The following EIF4G3 variants were observed in gnomAD, a reference collection of about 807,000 sequenced individuals.
EIF4G3 encodes the protein eIF-4-gamma 3.
Under a neutral mutation model 186.4 loss-of-function variants are expected in EIF4G3, and 34 were observed. The ratio of observed to expected loss-of-function variants is 0.18; its 90% CI spans 0.14 to 0.24. The LOEUF (loss-of-function observed/expected upper bound fraction) is 0.24, where lower values mean the gene tolerates loss of function less well. Ranked by LOEUF, EIF4G3 falls within the 10% of genes least tolerant of loss-of-function variation. The pLI is 1.00. For missense variants in EIF4G3, 1,536 were observed against 1,948.5 expected (o/e 0.79, Z 3.99); for synonymous variants, 673 against 679.5 (o/e 0.99, Z 0.15).
At chr1:21,018,990 G>A (rs574523932) in intron 4 of EIF4G3, among the ~76,000 whole-genome samples, 1 of 151,406 alleles carries the variant, frequency 6.6e-6, no homozygotes, top group Admixed American at 6.6e-5. Context: ...ATCTCAGAAA[G>A]ATGGTAAATT....
intron 20 of EIF4G3, among the ~76,000 whole-genome samples, chr1:20,873,893 A>G (rs1420913632): frequency 6.6e-6 from 1 of 151,746 alleles, no homozygotes; most frequent in Non-Finnish European, 1.5e-5. Flanking sequence ...CTCTGTGTCC[A>G]TGTGTTCTCA....
At chr1:21,082,118 T>C (rs2095808399) in intron 3 of EIF4G3, among the ~76,000 whole-genome samples, 1 of 150,338 alleles carries the variant, frequency 6.7e-6, no homozygotes, top group Non-Finnish European at 1.5e-5. Flanking sequence ...TAATGCTTCT[T>C]TGATTATCAG....
chr1:20,847,912 T>C (rs2071725504), intron 29 of EIF4G3: 1 of 453,970 alleles, frequency 2.2e-6, no homozygotes, highest in South Asian at 1.6e-5. Context: ...ACCAAGGTGA[T>C]TTTTATATGT....
intron 2 of EIF4G3, among the ~76,000 whole-genome samples, chr1:21,096,072 G>A (rs1046486783): frequency 1.3e-5 from 2 of 152,134 alleles, no homozygotes; most frequent in African/African-American, 4.8e-5. Context: ...AGCAAAGGCA[G>A]AAGGCAACAA....
At chr1:20,905,841 A>G (rs1379041356) in intron 14 of EIF4G3, among the ~76,000 whole-genome samples, 1 of 152,162 alleles carries the variant, frequency 6.6e-6, no homozygotes, top group Non-Finnish European at 1.5e-5. Flanking sequence ...CTTAATAGGG[A>G]ACATTACCAA....
chr1:20,973,629 T>C (rs2076307733), intron 10 of EIF4G3, among the ~76,000 whole-genome samples: 1 of 152,168 alleles, frequency 6.6e-6, no homozygotes, highest in South Asian at 2.1e-4. Flanking sequence ...GAAAAAAGGC[T>C]CAGAACATAT....
chr1:20,827,624 T>G lies in EIF4G3; in HGVS notation c.4262A>C (p.Lys1421Thr). The change falls in exon 32 of 37, where the codon AAA becomes ACA. Residue 1421 changes from lysine (K) to threonine (T), a missense_variant. By Grantham distance (78) the Lys-to-Thr change is moderately conservative. This residue lies in a region of EIF4G3 where 395 missense variants were observed against 498.9 expected (regional missense o/e 0.79). Coordinates refer to ENST00000602326, the MANE Select transcript of EIF4G3 (RefSeq NM_001391906.1). ...ACTCAGTGTAACACTCACCATTTGT[T>G]TGCATAGTAGGTGCAATATTTCAGA... The part of the protein sequence containing the change: ...LLSEILHLLC[K>T]QMSHKKVGAL... 2 of 1,604,226 alleles carry G rather than the reference T, an allele frequency of 1.2e-6. No homozygotes were observed. The highest frequency in any genetic ancestry group is 1.7e-6 in the Non-Finnish European group (2 of 1,171,522).
intron 2 of EIF4G3, among the ~76,000 whole-genome samples, chr1:21,152,693 T>C (rs932875831): frequency 2.0e-5 from 3 of 152,238 alleles, no homozygotes; most frequent in Non-Finnish European, 4.4e-5. Context: ...CATTATTTTA[T>C]GCCATATAAT....
At chr1:21,082,145 A>G (rs1477924307) in intron 3 of EIF4G3, among the ~76,000 whole-genome samples, 1 of 148,558 alleles carries the variant, frequency 6.7e-6, no homozygotes, top group Non-Finnish European at 1.5e-5. Flanking sequence ...CCTATTATGT[A>G]AAATGACGGA....
chr1:20,809,068 G>C (rs1372035792), intron 36 of EIF4G3, among the ~76,000 whole-genome samples: 1 of 151,906 alleles, frequency 6.6e-6, no homozygotes, highest in Non-Finnish European at 1.5e-5. Flanking sequence ...CCGCCTCATG[G>C]GTTCAAGTGA....
chr1:21,158,292 C>T (rs1252636890), intron 2 of EIF4G3, among the ~76,000 whole-genome samples: 1 of 150,542 alleles, frequency 6.6e-6, no homozygotes, highest in African/African-American at 2.5e-5. Context: ...CCACCCACCT[C>T]AGCCTCCTGA....
chr1:21,156,945 C>T (rs1017732575), intron 2 of EIF4G3, among the ~76,000 whole-genome samples: 8 of 152,118 alleles, frequency 5.3e-5, no homozygotes, highest in African/African-American at 1.9e-4. Flanking sequence ...GTGGTCCCTA[C>T]TGCTTGGGAG....
chr1:21,155,287 G>GAAAGAAA lies in EIF4G3; in HGVS notation c.-272+20881_-272+20887dup, dbSNP rs1342435969. On this transcript the variant is annotated intron_variant, in intron 2 of 36. Coordinates refer to ENST00000602326, the MANE Select transcript of EIF4G3 (RefSeq NM_001391906.1). Reference sequence around the variant, plus strand: ...CAAAAAAAAAAAAAAAAAAAAAAAAGAAAGAAAGAAATTATACATCAATCC... The same window carrying GAAAGAAA: ...CAAAAAAAAAAAAAAAAAAAAAAAAGAAAGAAAAAAGAAAGAAATTATACATCAATCC... Among the ~76,000 whole-genome samples the GAAAGAAA allele has an allele frequency of 6.5e-3, 645 of 99,902 alleles. 7 individuals carry two copies. The highest frequency in any genetic ancestry group is 0.024 in the African/African-American group (622 of 25,974). The allele number at this position is 99,902 out of a possible 152,430, so 65.5% of individuals were successfully genotyped here. A position where few individuals can be genotyped will look rare whatever the true frequency, so the allele number is the denominator to read the frequency against.
intron 13 of EIF4G3, among the ~76,000 whole-genome samples, chr1:20,949,370 C>G (rs897564168): frequency 2.0e-5 from 3 of 152,174 alleles, no homozygotes; most frequent in Non-Finnish European, 2.9e-5. Flanking sequence ...GTGTACTATT[C>G]CTTAATACAG....
chr1:21,072,766 A>C (rs1375838182), intron 3 of EIF4G3, among the ~76,000 whole-genome samples: 1 of 152,176 alleles, frequency 6.6e-6, no homozygotes, highest in African/African-American at 2.4e-5. Flanking sequence ...GTTTTATCTA[A>C]CACCACACTA....
At chr1:20,850,978 A>G (rs531269879) in intron 28 of EIF4G3, among the ~76,000 whole-genome samples, 1 of 152,192 alleles carries the variant, frequency 6.6e-6, no homozygotes, top group Non-Finnish European at 1.5e-5. Flanking sequence ...GGGATGTTAC[A>G]GGGACTTGTA....
At chr1:21,054,097 G>A (rs1186022729) in intron 3 of EIF4G3, among the ~76,000 whole-genome samples, 1 of 152,044 alleles carries the variant, frequency 6.6e-6, no homozygotes, top group Admixed American at 6.5e-5. Context: ...AGGTAGACAT[G>A]GGAGACTTTT....
At chr1:20,980,156 T>C (rs1395712106) in intron 10 of EIF4G3, among the ~76,000 whole-genome samples, 178 bp downstream of exon 10, 1 of 151,338 alleles carries the variant, frequency 6.6e-6, no homozygotes, top group East Asian at 1.9e-4. Context: ...ACTAACATAA[T>C]GAGACTCCCA....
intron 4 of EIF4G3, among the ~76,000 whole-genome samples, chr1:21,004,237 T>C (rs1312520296): frequency 2.6e-5 from 4 of 152,188 alleles, no homozygotes; most frequent in East Asian, 3.8e-4. Context: ...AAGAACCTTA[T>C]ATAAAACCTT....
Sources: gnomAD v4.1 joint callset for allele counts (sites outside exome capture counted in the v4.1 genomes callset) on GRCh38, gnomAD v4.1.1 for gene constraint, gnomAD v4.1.1 regional missense constraint, MANE v1.5 for transcripts, NCBI Gene and HGNC (gene_info 2026-07-23, HGNC 2026-07-21) for gene names.